ASCL5: variants seen among roughly 807,000 people sequenced by gnomAD.
ASCL5 encodes the protein achaete-scute homolog 5.
For synonymous variants in ASCL5, 124 were observed against 131.5 expected, an observed-to-expected ratio of 0.94 and a Z score of 0.39; for missense variants, 262 against 268.9, an observed-to-expected ratio of 0.97 and a Z score of 0.18.
intron 1 of ASCL5, among the ~76,000 whole-genome samples, chr1:201,126,221 G>A (rs1458398390): frequency 6.6e-6 from 1 of 151,656 alleles, no homozygotes; most frequent in Non-Finnish European, 1.5e-5. Flanking sequence ...CTGTAAACTT[G>A]AACTCCTGGG....
intron 1 of ASCL5, among the ~76,000 whole-genome samples, chr1:201,125,205 A>T (rs1448656911): frequency 1.3e-5 from 2 of 152,112 alleles, no homozygotes; most frequent in African/African-American, 2.4e-5. Context: ...GTTCAAGGAG[A>T]TCGTGCATGA....
chr1:201,118,154 T>C (rs1486841833), intron 1 of ASCL5, among the ~76,000 whole-genome samples: 2 of 152,222 alleles, frequency 1.3e-5, no homozygotes, highest in African/African-American at 2.4e-5. Flanking sequence ...GGACTATGTA[T>C]TTCTTAAGCC....
intron 1 of ASCL5, among the ~76,000 whole-genome samples, chr1:201,117,348 A>C (rs1453461676): frequency 1.3e-5 from 2 of 152,130 alleles, no homozygotes. Flanking sequence ...AGACAGAAGA[A>C]TCGCCTGAAC....
At chr1:201,122,167 A>G (rs975541249) in intron 1 of ASCL5, among the ~76,000 whole-genome samples, 1 of 152,162 alleles carries the variant, frequency 6.6e-6, no homozygotes, top group African/African-American at 2.4e-5. Flanking sequence ...CCTGCACTGA[A>G]TGAGGAAGTA....
Position 201,114,161 on chromosome 1 carries a change from G to C in ASCL5, c.*591C>G, listed in dbSNP as rs1663274873. 1 of 145,490 alleles carries C rather than the reference G, an allele frequency of 6.9e-6. No homozygotes were observed. Among genetic ancestry groups the C allele is most frequent in the Non-Finnish European group, 1.5e-5 (1 of 65,992 alleles). The allele number at this position is 145,490 out of a possible 1,614,324, so 9.0% of individuals were successfully genotyped here. On this transcript the variant is annotated 3_prime_UTR_variant, in exon 2 of 2. Transcript: ENST00000449188. ...ACCCAGGAAGCCAGAGAACGCCACC[G>C]GGGCACACAGGTCGCCTCTGCTGAG...
At position 201,114,351 on chromosome 1, in the gene ASCL5, C is replaced by T. The variant is rs866073990; in HGVS notation, c.*401G>A. On this transcript the variant is annotated 3_prime_UTR_variant, in exon 2 of 2. Coordinates refer to ENST00000449188, the MANE Select transcript of ASCL5 (RefSeq NM_001270601.2). ...GTAACCGAGGGCTCAAAGTCGGGCTCGCATCCCGGGGACTCGCAGAGACTG... is the reference window on the plus strand; with the variant it reads ...GTAACCGAGGGCTCAAAGTCGGGCTTGCATCCCGGGGACTCGCAGAGACTG... The T allele has an allele frequency of 1.5e-4, 26 of 168,128 alleles. No individual in the cohort carries two copies. The highest frequency in any genetic ancestry group is 5.7e-4 in the African/African-American group (24 of 42,154). 10.4% of individuals were successfully genotyped at this position (168,128 alleles called of 1,614,324 possible). A position where few individuals can be genotyped will look rare whatever the true frequency, so the allele number is the denominator to read the frequency against.
At chr1:201,120,378 C>T (rs988299809) in intron 1 of ASCL5, among the ~76,000 whole-genome samples, 6 of 152,242 alleles carry the variant, frequency 3.9e-5, no homozygotes, top group Middle Eastern at 3.4e-3. Context: ...CATACTCATC[C>T]CCTGCCCATC....
chr1:201,115,020 C>G lies in ASCL5; in HGVS notation c.353G>C (p.Arg118Pro), dbSNP rs963919188. The change falls in exon 2 of 2, where the codon CGA becomes CCA. Residue 118 changes from arginine (R) to proline (P), a missense_variant. Transcript: ENST00000449188. ...GHLPGALAEK[R>P]LSKVETLRAA... ...GCGCAGCGTCTCCACCTTGCTGAGT[C>G]GCTTCTCAGCCAGGGCGCCGGGGAG... 1 of 1,231,876 alleles carries G rather than the reference C, an allele frequency of 8.1e-7. No homozygotes were observed. The highest frequency in any genetic ancestry group is 1.0e-6 in the Non-Finnish European group (1 of 988,134). The allele number at this position is 1,231,876 out of a possible 1,614,324, so 76.3% of individuals were successfully genotyped here.
chr1:201,125,765 T>C (rs951084571), intron 1 of ASCL5, among the ~76,000 whole-genome samples: 3 of 152,158 alleles, frequency 2.0e-5, no homozygotes, highest in African/African-American at 7.2e-5. Flanking sequence ...AGAAGTAGCC[T>C]GATGTGGAGG....
Position 201,120,195 on chromosome 1 carries a change from G to T in ASCL5, c.-505-4318C>A, listed in dbSNP as rs546833924. Among the ~76,000 whole-genome samples, 4 of 152,264 alleles carry T rather than the reference G, an allele frequency of 2.6e-5. No homozygotes were observed. The South Asian group carries it at 6.2e-4, about 24-fold the overall frequency. ...AAATCTGACTTGCACCAGAGAGGGC[G>T]TATTGTCAGCGGGGGTCTCCTGGGC... On this transcript the variant is annotated intron_variant, in intron 1 of 1. Transcript: ENST00000449188.
chr1:201,114,564 C>T lies in ASCL5; in HGVS notation c.*188G>A, dbSNP rs1663289729. Reference sequence around the variant, plus strand: ...TAGGTCTCTATCGTGCCCATCGTACCCGCTGCCCTGCACTTCCGCCCCAAG... The same window carrying T: ...TAGGTCTCTATCGTGCCCATCGTACTCGCTGCCCTGCACTTCCGCCCCAAG... On this transcript the variant is annotated 3_prime_UTR_variant, in exon 2 of 2. Coordinates refer to ENST00000449188, the MANE Select transcript of ASCL5 (RefSeq NM_001270601.2). 1.3e-5 allele frequency: 6 copies of T among 453,488 alleles called. 1 individual carries two copies. Among genetic ancestry groups the T allele is most frequent in the African/African-American group, 2.0e-5 (1 of 49,324 alleles). 28.1% of individuals were successfully genotyped at this position (453,488 alleles called of 1,614,324 possible).
chr1:201,126,318 T>A (rs1352379898), intron 1 of ASCL5, among the ~76,000 whole-genome samples: 1 of 152,000 alleles, frequency 6.6e-6, no homozygotes, highest in Non-Finnish European at 1.5e-5. Context: ...AGAGACAGAA[T>A]CTTGAACTTC....
chr1:201,126,096 T>G (rs1457155210), intron 1 of ASCL5, among the ~76,000 whole-genome samples: 3 of 152,164 alleles, frequency 2.0e-5, no homozygotes, highest in Admixed American at 2.0e-4. Context: ...TAGCAATTTA[T>G]TTATTTAATC....
At position 201,115,201 on chromosome 1, in the gene ASCL5, C is replaced by A. The variant is rs896423070; in HGVS notation, c.172G>T (p.Asp58Tyr). The change falls in exon 2 of 2, where the codon GAC becomes TAC. Residue 58 changes from aspartate (D) to tyrosine (Y), a missense_variant. Transcript: ENST00000449188. The stretch of plus-strand genomic sequence containing the variant: ...TAGGGGAACACCCCCGCATAGGCGT[C>A]GTAGTAGGGCGGCTCTGCTGGGCCC... ...YPGPAEPPYY[D>Y]AYAGVFPYVP... 8.1e-7 allele frequency: 1 copy of A among 1,231,498 alleles called. No homozygotes were observed. 76.3% of individuals were successfully genotyped at this position (1,231,498 alleles called of 1,614,324 possible).
intron 1 of ASCL5, among the ~76,000 whole-genome samples, chr1:201,125,880 C>T (rs901510049): frequency 3.9e-5 from 6 of 152,186 alleles, no homozygotes; most frequent in Admixed American, 2.0e-4. Flanking sequence ...AGCCGTGTCA[C>T]CTTCCTTTAA....
intron 1 of ASCL5, among the ~76,000 whole-genome samples, chr1:201,118,903 T>G (rs1663400029): frequency 6.6e-6 from 1 of 152,186 alleles, no homozygotes; most frequent in Non-Finnish European, 1.5e-5. Context: ...AGTCACTTTT[T>G]AAAGGCCCAC....
intron 1 of ASCL5, among the ~76,000 whole-genome samples, chr1:201,124,211 T>A (rs1663534316): frequency 1.3e-5 from 2 of 152,194 alleles, no homozygotes; most frequent in Non-Finnish European, 2.9e-5. Context: ...TCAGTTTGAA[T>A]CCCAGAAATT....
chr1:201,124,718 G>A (rs970306257), intron 1 of ASCL5, among the ~76,000 whole-genome samples: 1 of 152,210 alleles, frequency 6.6e-6, no homozygotes, highest in African/African-American at 2.4e-5. Context: ...AATGAGGGAA[G>A]GAGATTCATG....
chr1:201,119,001 C>T (rs1663401561), intron 1 of ASCL5, among the ~76,000 whole-genome samples: 1 of 152,204 alleles, frequency 6.6e-6, no homozygotes, highest in South Asian at 2.1e-4. Context: ...GGCTTCTCAT[C>T]TGATCAAAGG....
Sources: allele counts gnomAD v4.1 joint callset (sites outside exome capture counted in the v4.1 genomes callset), GRCh38; gene constraint gnomAD v4.1.1; transcripts MANE v1.5; gene names NCBI Gene and HGNC (gene_info 2026-07-23, HGNC 2026-07-21).